Variants in GRK4 observed in about 807,000 individuals in gnomAD.
GRK4 encodes the protein G protein-coupled receptor kinase 2-like.
A neutral mutation model predicts 77.9 loss-of-function variants in GRK4; 73 were observed. The ratio of observed to expected loss-of-function variants is 0.94; its 90% CI spans 0.78 to 1.14. The LOEUF (loss-of-function observed/expected upper bound fraction) is 1.14. Ranked by LOEUF, GRK4 falls within the 50% of genes most tolerant of loss-of-function variation. The pLI is 0.00. For synonymous variants in GRK4, 257 were observed against 254.4 expected (o/e 1.01, Z -0.10); for missense variants, 729 against 700.2 (o/e 1.04, Z -0.46).
intron 7 of GRK4, among the ~76,000 whole-genome samples, chr4:3,011,828 T>A (rs1340398650): frequency 6.6e-6 from 1 of 152,200 alleles, no homozygotes; most frequent in Non-Finnish European, 1.5e-5. Flanking sequence ...TCCTCCGAAA[T>A]GAATTTGTAG....
chr4:3,007,248 A>G (rs58998372), intron 5 of GRK4, among the ~76,000 whole-genome samples: 2,485 of 152,330 alleles, frequency 0.016, 63 homozygotes, highest in African/African-American at 0.057. Context: ...ACTTGGAAGT[A>G]TTAATGCACT....
At chr4:2,976,352 C>T (rs1192907959) in intron 1 of GRK4, among the ~76,000 whole-genome samples, 2 of 151,994 alleles carry the variant, frequency 1.3e-5, no homozygotes, top group Non-Finnish European at 1.5e-5. Context: ...CCACCTCAGC[C>T]TCCTGAGTAG....
intron 10 of GRK4, among the ~76,000 whole-genome samples, chr4:3,026,394 A>T (rs949257824): frequency 1.3e-5 from 2 of 152,208 alleles, no homozygotes; most frequent in Non-Finnish European, 1.5e-5. Flanking sequence ...TGATACGAAA[A>T]AAATAAGTCA....
chr4:2,996,704 A>T (rs923775349), intron 4 of GRK4, among the ~76,000 whole-genome samples: 1 of 151,706 alleles, frequency 6.6e-6, no homozygotes, highest in Non-Finnish European at 1.5e-5. Context: ...CCTGGAGATG[A>T]TGTAGCTGGA....
intron 4 of GRK4, among the ~76,000 whole-genome samples, chr4:2,997,639 G>A (rs1286704383): frequency 6.6e-6 from 1 of 152,200 alleles, no homozygotes; most frequent in African/African-American, 2.4e-5. Flanking sequence ...GCCGGGTGTG[G>A]TGGTGTTCAC....
intron 1 of GRK4, among the ~76,000 whole-genome samples, chr4:2,970,354 C>G (rs1165470694): frequency 1.3e-5 from 2 of 152,144 alleles, no homozygotes; most frequent in African/African-American, 4.8e-5. Flanking sequence ...ATCTATACCA[C>G]TGATACTATA....
rs192035451 is a variant in GRK4 at position 2,979,349 on chromosome 4, A to C, written c.53-5164A>C. 3.6e-4 allele frequency among the ~76,000 whole-genome samples: 53 copies of C among 145,320 alleles called. No homozygotes were observed. The East Asian group carries it at 0.01, about 28-fold the overall frequency. ...AACCCAGGAGGTGGAGGTTGCAATC[A>C]TCTGAGATGGTGCCACTGCACTCCA... On this transcript the variant is annotated intron_variant, in intron 1 of 15. Coordinates refer to ENST00000398052, the MANE Select transcript of GRK4 (RefSeq NM_182982.3).
chr4:2,995,498 A>G lies in GRK4; in HGVS notation c.339+3206A>G, dbSNP rs542141043. ...AGCCTGGCCAACATGGTGAAACCTC[A>G]TCTCTACTAAAAAAAAAAAAAAAAA... is the stretch of plus-strand genomic sequence containing the variant. On this transcript the variant is annotated intron_variant, in intron 4 of 15. Coordinates refer to ENST00000398052, the MANE Select transcript of GRK4 (RefSeq NM_182982.3). 2.6e-3 allele frequency among the ~76,000 whole-genome samples: 349 copies of G among 133,118 alleles called. 1 individual carries two copies. Among genetic ancestry groups the G allele is most frequent in the South Asian group, 3.7e-3 (16 of 4,302 alleles). The allele number at this position is 133,118 out of a possible 152,430, so 87.3% of individuals were successfully genotyped here.
In GRK4 at chr4:2,992,114, G is replaced by T. The variant is rs529111770; in HGVS notation, c.262-101G>T. On this transcript the variant is annotated intron_variant, in intron 3 of 15. Coordinates refer to ENST00000398052, the MANE Select transcript of GRK4 (RefSeq NM_182982.3). The stretch of plus-strand genomic sequence containing the variant: ...GCTGGCCTCGAACTCTTGAGCTCAA[G>T]TGATCCTCCCAACCTCAGCGTCCCA... The T allele has an allele frequency of 5.7e-6, 4 of 703,082 alleles. No individual in the cohort carries two copies. In the Admixed American group the frequency reaches 8.5e-5, roughly 15 times the overall value. The allele number at this position is 703,082 out of a possible 1,614,324, so 43.6% of individuals were successfully genotyped here.
rs139817774 is a variant in GRK4, at chr4:2,996,980, G to T, written c.339+4688G>T. Among the ~76,000 whole-genome samples, 81 of 152,260 alleles carry T rather than the reference G, an allele frequency of 5.3e-4. 4 individuals are homozygous for T. In the East Asian group the frequency reaches 0.012, roughly 22 times the overall value. ...CATGCCTGTAATCCCAGCACTTTGG[G>T]AGGCCAAGACAGGAGGCTCTCTTGA... On this transcript the variant is annotated intron_variant, in intron 4 of 15. Transcript: ENST00000398052.
intron 6 of GRK4, among the ~76,000 whole-genome samples, chr4:3,008,489 C>T (rs755206027): frequency 1.3e-5 from 2 of 152,152 alleles, no homozygotes; most frequent in Non-Finnish European, 2.9e-5. Flanking sequence ...ATGTTTGGTG[C>T]ACAAAATAAG....
At chr4:2,984,798 T>C (rs529396645) in intron 2 of GRK4, among the ~76,000 whole-genome samples, 190 bp downstream of exon 2, 46 of 152,212 alleles carry the variant, frequency 3.0e-4, no homozygotes, top group African/African-American at 1.1e-3. Context: ...AGTTGGCTGT[T>C]GACTTTTTCA....
chr4:3,021,374 C>T (rs1229048783), intron 9 of GRK4, among the ~76,000 whole-genome samples: 2 of 152,234 alleles, frequency 1.3e-5, no homozygotes, highest in Admixed American at 6.5e-5. Context: ...CCCACATCCT[C>T]CAACTGCTCC....
chr4:3,020,517 A>G (rs1735769448), intron 9 of GRK4, among the ~76,000 whole-genome samples: 1 of 152,186 alleles, frequency 6.6e-6, no homozygotes. Context: ...TTTGCATCTT[A>G]GAATTTAGTA....
Position 2,992,088 on chromosome 4 carries a change from G to A in GRK4, c.262-127G>A, listed in dbSNP as rs1161136916. The A allele has an allele frequency of 1.1e-5, 6 of 558,856 alleles. No individual in the cohort carries two copies. In the East Asian group the frequency reaches 1.2e-4, roughly 11 times the overall value. 34.6% of individuals were successfully genotyped at this position (558,856 alleles called of 1,614,324 possible). ...AGATGGGATCTCGCTATGTTGCTCA[G>A]GCTGGCCTCGAACTCTTGAGCTCAA... On this transcript the variant is annotated intron_variant, in intron 3 of 15. Coordinates refer to ENST00000398052, the MANE Select transcript of GRK4 (RefSeq NM_182982.3).
At chr4:3,004,433 T>C (rs1000081126) in intron 5 of GRK4, 99 bp downstream of exon 5, 11 of 728,974 alleles carry the variant, frequency 1.5e-5, no homozygotes, top group African/African-American at 1.2e-4. Context: ...GTTCCTAGAG[T>C]GTAGTTGACC....
intron 4 of GRK4, among the ~76,000 whole-genome samples, chr4:3,000,463 T>G (rs189200058): frequency 3.9e-5 from 6 of 152,352 alleles, no homozygotes; most frequent in African/African-American, 1.4e-4. Flanking sequence ...ATATTTTGTC[T>G]TGTTTTCTGC....
chr4:3,013,326 G>A (rs112794281), intron 7 of GRK4, among the ~76,000 whole-genome samples: 10,283 of 152,062 alleles, frequency 0.068, 659 homozygotes, highest in African/African-American at 0.17. Flanking sequence ...TGCTGGGATT[G>A]TAGGCATGAG....
chr4:3,000,022 C>T (rs1578154215), intron 4 of GRK4, among the ~76,000 whole-genome samples: 2 of 152,272 alleles, frequency 1.3e-5, no homozygotes, highest in East Asian at 3.9e-4. Context: ...TCCACCCTCC[C>T]TTCCCTCTCC....
Sources: allele counts gnomAD v4.1 joint callset (sites outside exome capture counted in the v4.1 genomes callset), GRCh38; gene constraint gnomAD v4.1.1; transcripts MANE v1.5; gene names NCBI Gene and HGNC (gene_info 2026-07-23, HGNC 2026-07-21).